GPC6: variants seen among roughly 807,000 people sequenced by gnomAD.
GPC6 encodes glypican 6.
In GPC6, 14 loss-of-function variants were observed where a neutral mutation model predicts 55.2. The observed-to-expected ratio is 0.25, with a 90% CI of 0.17 to 0.40. The LOEUF (loss-of-function observed/expected upper bound fraction) is 0.40. GPC6 is among the 10% of genes least tolerant of loss of function. GPC6 has a pLI of 1.00. For missense variants in GPC6, 641 were observed against 708.5 expected (o/e 0.90, Z 1.08); for synonymous variants, 278 against 259.6 (o/e 1.07, Z -0.68).
chr13:93,600,083 G>A (rs1306627074), intron 2 of GPC6, among the ~76,000 whole-genome samples: 1 of 152,236 alleles, frequency 6.6e-6, no homozygotes, highest in Non-Finnish European at 1.5e-5. Context: ...TTTAAATTAC[G>A]CTTTCTCATT....
intron 2 of GPC6, among the ~76,000 whole-genome samples, chr13:93,804,552 C>T (rs1886482955): frequency 6.6e-6 from 1 of 152,192 alleles, no homozygotes; most frequent in African/African-American, 2.4e-5. Flanking sequence ...AATAAATCTA[C>T]ATGCCATAAC....
intron 5 of GPC6, among the ~76,000 whole-genome samples, chr13:94,296,689 G>C (rs1471920127): frequency 6.6e-6 from 1 of 152,092 alleles, no homozygotes; most frequent in Non-Finnish European, 1.5e-5. Context: ...ACATCTGTGG[G>C]GGAAACATGC....
Position 93,837,496 on chromosome 13 carries a change from A to G in GPC6, c.711+6951A>G, listed in dbSNP as rs936118603. Among the ~76,000 whole-genome samples the G allele has an allele frequency of 2.0e-5, 3 of 152,190 alleles. No individual in the cohort carries two copies. The South Asian group carries it at 6.2e-4, about 31-fold the overall frequency. Reference sequence around the variant, plus strand: ...TAACTCTTGTAAAAACAGAGCCACTATAGAGATTTAGCTCAGTCCTGATCA... The same window carrying G: ...TAACTCTTGTAAAAACAGAGCCACTGTAGAGATTTAGCTCAGTCCTGATCA... On this transcript the variant is annotated intron_variant, in intron 3 of 8. Transcript: ENST00000377047.
intron 1 of GPC6, among the ~76,000 whole-genome samples, chr13:93,447,154 A>C (rs1878038905): frequency 6.6e-6 from 1 of 152,164 alleles, no homozygotes; most frequent in Non-Finnish European, 1.5e-5. Context: ...TCTAGCTGTC[A>C]TTGTCATTAA....
intron 4 of GPC6, among the ~76,000 whole-genome samples, chr13:94,245,738 CTG>C (rs746211185): frequency 1.3e-5 from 2 of 151,142 alleles, no homozygotes; most frequent in Non-Finnish European, 3.0e-5. Context: ...GTGTGTGTGT[CTG>C]TGTGTGTGTG....
intron 2 of GPC6, among the ~76,000 whole-genome samples, chr13:93,629,388 T>A (rs1879337768): frequency 6.6e-6 from 1 of 152,136 alleles, no homozygotes; most frequent in Non-Finnish European, 1.5e-5. Flanking sequence ...ACAACACCAT[T>A]ATTAGAAAAC....
At chr13:93,904,582 A>T (rs1251536397) in intron 3 of GPC6, among the ~76,000 whole-genome samples, 2 of 152,046 alleles carry the variant, frequency 1.3e-5, no homozygotes, top group Non-Finnish European at 2.9e-5. Flanking sequence ...TAGAAAAAAT[A>T]AAAAAATTAA....
chr13:94,215,590 C>T (rs1890201773), intron 4 of GPC6, among the ~76,000 whole-genome samples: 1 of 152,050 alleles, frequency 6.6e-6, no homozygotes. Context: ...ACATATTTAA[C>T]AACAAATATG....
chr13:94,005,838 A>G (rs1190053570), intron 3 of GPC6, among the ~76,000 whole-genome samples: 1 of 152,114 alleles, frequency 6.6e-6, no homozygotes, highest in Non-Finnish European at 1.5e-5. Flanking sequence ...TTTTCTCAAG[A>G]TAAATCATTT....
intron 2 of GPC6, among the ~76,000 whole-genome samples, chr13:93,549,657 A>G (rs1875035199): frequency 6.6e-6 from 1 of 152,100 alleles, no homozygotes; most frequent in Non-Finnish European, 1.5e-5. Flanking sequence ...TCTTGTGGTC[A>G]ACACCGCCTA....
chr13:93,369,210 C>G (rs894283147), intron 1 of GPC6, among the ~76,000 whole-genome samples: 6 of 151,756 alleles, frequency 4.0e-5, no homozygotes. Flanking sequence ...TATAAATGGT[C>G]TATATATTAA....
intron 2 of GPC6, among the ~76,000 whole-genome samples, chr13:93,825,236 G>T (rs1219574393): frequency 3.9e-5 from 6 of 152,118 alleles, no homozygotes; most frequent in Non-Finnish European, 8.8e-5. Context: ...AGAAGGATGT[G>T]CCACTGGCAT....
chr13:93,550,955 C>A lies in GPC6; in HGVS notation c.319+5534C>A, dbSNP rs578081959. Among the ~76,000 whole-genome samples, 90 of 152,116 alleles carry A rather than the reference C, an allele frequency of 5.9e-4. 1 individual carries two copies. The highest frequency in any genetic ancestry group is 2.0e-3 in the African/African-American group (85 of 41,506). On this transcript the variant is annotated intron_variant, in intron 2 of 8. Transcript: ENST00000377047. Reference sequence around the variant, plus strand: ...GTTTTGGGGGAGACATAAGTATAAACCTAAGAGTAAGAAAGGCAGAATTAC... The same window carrying A: ...GTTTTGGGGGAGACATAAGTATAAAACTAAGAGTAAGAAAGGCAGAATTAC...
chr13:93,674,570 A>C (rs1881505005), intron 2 of GPC6, among the ~76,000 whole-genome samples: 1 of 152,228 alleles, frequency 6.6e-6, no homozygotes, highest in Admixed American at 6.5e-5. Flanking sequence ...TGAAAGACAC[A>C]ACACAGGCAT....
chr13:93,403,365 C>A (rs1204717918), intron 1 of GPC6, among the ~76,000 whole-genome samples: 1 of 152,118 alleles, frequency 6.6e-6, no homozygotes, highest in Non-Finnish European at 1.5e-5. Flanking sequence ...AGTTCAAGAG[C>A]GGTTTTGTGA....
intron 6 of GPC6, among the ~76,000 whole-genome samples, chr13:94,348,896 G>C (rs185078539): frequency 2.0e-5 from 3 of 152,228 alleles, no homozygotes; most frequent in Admixed American, 1.3e-4. Context: ...AAATTCAACA[G>C]AGCAAAAACG....
chr13:93,301,852 T>C (rs1878692935), intron 1 of GPC6, among the ~76,000 whole-genome samples: 1 of 152,116 alleles, frequency 6.6e-6, no homozygotes. Flanking sequence ...TCCCTTGATG[T>C]CTATAAATGG....
intron 4 of GPC6, among the ~76,000 whole-genome samples, chr13:94,144,876 T>C (rs1203104108): frequency 1.3e-5 from 2 of 152,224 alleles, no homozygotes; most frequent in East Asian, 1.9e-4. Flanking sequence ...AAAAATTTTA[T>C]ACATTTAAAT....
At chr13:93,771,669 A>T (rs984357195) in intron 2 of GPC6, among the ~76,000 whole-genome samples, 2 of 152,088 alleles carry the variant, frequency 1.3e-5, no homozygotes, top group Non-Finnish European at 2.9e-5. Context: ...ACATGTATAC[A>T]TATGTAACTA....
Sources: allele counts gnomAD v4.1 joint callset (sites outside exome capture counted in the v4.1 genomes callset), GRCh38; gene constraint gnomAD v4.1.1; transcripts MANE v1.5; gene names NCBI Gene and HGNC (gene_info 2026-07-23, HGNC 2026-07-21).